PCED1B: variants seen among roughly 807,000 people sequenced by gnomAD.
PCED1B encodes PC-esterase domain-containing protein 1B.
For missense variants in PCED1B, 573 were observed against 573.9 expected (o/e 1.00, Z 0.02); for synonymous variants, 251 against 246.1 (o/e 1.02, Z -0.19).
rs370314235 is a variant in PCED1B, at chr12:47,087,225, T to A, written c.-609+7500T>A. Among the ~76,000 whole-genome samples the A allele has an allele frequency of 5.3e-5, 8 of 152,176 alleles. No individual in the cohort carries two copies. In the East Asian group the frequency reaches 1.3e-3, roughly 26 times the overall value. ...AGACCCAAGAAAGTGGTCTTGATAA[T>A]AATACCTACCACTTATTATATTCTC... is the stretch of plus-strand genomic sequence containing the variant. On this transcript the variant is annotated intron_variant, in intron 1 of 3. Transcript: ENST00000546455.
rs934374326 is a variant in PCED1B at position 47,235,303 on chromosome 12, C to A, written c.240C>A (p.Arg80=). ...MHNGLNYREV[R]EFRSDHHLVR... Reference sequence around the variant, plus strand: ...ACGGCCTTAACTACCGTGAGGTCCGCGAGTTCCGCTCCGACCACCATCTGG... The same window carrying A: ...ACGGCCTTAACTACCGTGAGGTCCGAGAGTTCCGCTCCGACCACCATCTGG... Residue 80 remains arginine (R), a synonymous_variant, in exon 4 of 4, where the codon CGC becomes CGA. Transcript: ENST00000546455. The A allele has an allele frequency of 6.2e-7, 1 of 1,613,934 alleles. No individual in the cohort carries two copies.
At chr12:47,175,139 T>C (rs1470604346) in intron 2 of PCED1B, among the ~76,000 whole-genome samples, 1 of 152,186 alleles carries the variant, frequency 6.6e-6, no homozygotes, top group Non-Finnish European at 1.5e-5. Context: ...AAAAAGTGAA[T>C]CACAAATCGT....
At chr12:47,216,008 A>T (rs1448080247) in intron 2 of PCED1B, among the ~76,000 whole-genome samples, 2 of 152,082 alleles carry the variant, frequency 1.3e-5, no homozygotes, top group Non-Finnish European at 2.9e-5. Context: ...AGCCGAGACC[A>T]TGCCACTGCA....
intron 2 of PCED1B, among the ~76,000 whole-genome samples, chr12:47,153,355 CAAAAAAAAAAAA>C (rs11299918): frequency 0.053 from 5,095 of 95,402 alleles, 130 homozygotes; most frequent in South Asian, 0.11. Flanking sequence ...GACTCCTTCT[CAAAAAAAAAAAA>C]AAAAAAAAAG....
chr12:47,119,701 G>A (rs929292828), intron 2 of PCED1B, among the ~76,000 whole-genome samples: 18 of 151,992 alleles, frequency 1.2e-4, no homozygotes, highest in Admixed American at 2.6e-4. Context: ...AGATTAGGCC[G>A]GGCGTGGTGG....
intron 2 of PCED1B, among the ~76,000 whole-genome samples, chr12:47,147,404 G>A (rs1384146043): frequency 6.6e-6 from 1 of 152,074 alleles, no homozygotes; most frequent in Non-Finnish European, 1.5e-5. Context: ...ACAAGCATGG[G>A]CTTTACTTCA....
At chr12:47,143,380 A>AAATT (rs1194918614) in intron 2 of PCED1B, among the ~76,000 whole-genome samples, 4 of 152,112 alleles carry the variant, frequency 2.6e-5, no homozygotes, top group Non-Finnish European at 5.9e-5. Context: ...ACAAGAAACA[A>AAATT]AATTAACATA....
At chr12:47,220,695 T>C (rs901957018) in intron 3 of PCED1B, among the ~76,000 whole-genome samples, 5 of 152,168 alleles carry the variant, frequency 3.3e-5, no homozygotes, top group African/African-American at 1.2e-4. Flanking sequence ...TAGAGTGGGA[T>C]AGAATGGCAC....
chr12:47,223,125 A>AGG (rs1261386504), intron 3 of PCED1B, among the ~76,000 whole-genome samples: 3 of 152,124 alleles, frequency 2.0e-5, no homozygotes, highest in Non-Finnish European at 4.4e-5. Flanking sequence ...AGAGAGAGAG[A>AGG]GAGAAAGACC....
At chr12:47,099,508 T>C (rs1938614756) in intron 1 of PCED1B, among the ~76,000 whole-genome samples, 1 of 152,220 alleles carries the variant, frequency 6.6e-6, no homozygotes, top group Non-Finnish European at 1.5e-5. Context: ...TTTGAATGAA[T>C]ACATGTTCTA....
intron 2 of PCED1B, among the ~76,000 whole-genome samples, chr12:47,104,544 G>A (rs2137233613): frequency 6.6e-6 from 1 of 152,246 alleles, no homozygotes; most frequent in Admixed American, 6.5e-5. Flanking sequence ...GTGGGTATCA[G>A]GCCACAGCCA....
Position 47,198,656 on chromosome 12 carries a change from A to T in PCED1B, c.-525-17566A>T, listed in dbSNP as rs11183790. 0.011 allele frequency among the ~76,000 whole-genome samples: 1,638 copies of T among 152,248 alleles called. 80 individuals are homozygous for T. In the East Asian group the frequency reaches 0.15, roughly 14 times the overall value. On this transcript the variant is annotated intron_variant, in intron 2 of 3. Coordinates refer to ENST00000546455, the MANE Select transcript of PCED1B (RefSeq NM_138371.3). ...AGAAATAAAACTTTGTTCACAGATG[A>T]CGTGATTATGCAGAAAATCCCAAAG...
intron 1 of PCED1B, among the ~76,000 whole-genome samples, chr12:47,102,633 G>A (rs187929078): frequency 6.6e-6 from 1 of 152,252 alleles, no homozygotes; most frequent in Admixed American, 6.5e-5. Context: ...AGCCTTCCTT[G>A]GGTTTGAGTT....
intron 2 of PCED1B, among the ~76,000 whole-genome samples, chr12:47,172,000 G>T (rs1941759131): frequency 1.3e-5 from 2 of 151,164 alleles, no homozygotes; most frequent in East Asian, 2.0e-4. Flanking sequence ...TATAAGATTT[G>T]TCTTAATCCT....
intron 1 of PCED1B, among the ~76,000 whole-genome samples, chr12:47,082,560 G>A (rs1457263744): frequency 6.6e-6 from 1 of 152,206 alleles, no homozygotes; most frequent in East Asian, 1.9e-4. Flanking sequence ...GACGGACAGA[G>A]TACTAACACA....
At chr12:47,141,227 C>T (rs1940579914) in intron 2 of PCED1B, among the ~76,000 whole-genome samples, 2 of 152,104 alleles carry the variant, frequency 1.3e-5, no homozygotes, top group African/African-American at 4.8e-5. Flanking sequence ...ATCATATTTC[C>T]CCACAGCAAC....
chr12:47,116,552 T>C (rs1024333473), intron 2 of PCED1B, among the ~76,000 whole-genome samples: 2 of 152,184 alleles, frequency 1.3e-5, no homozygotes, highest in Non-Finnish European at 2.9e-5. Context: ...CTTTGTCATA[T>C]ACATTTTGTC....
Position 47,236,183 on chromosome 12 carries a change from A to C in PCED1B, c.1120A>C (p.Met374Leu). The part of the protein sequence containing the change: ...HAGFFVEDNF[M>L]VGPQLPMPFF... ...AGGTTTCTTCGTCGAAGACAATTTT[A>C]TGGTTGGTCCTCAGCTGCCTATGCC... The change falls in exon 4 of 4, where the codon ATG (methionine) becomes CTG (leucine). Residue 374 changes from methionine (M) to leucine (L), a missense_variant. Transcript: ENST00000546455. 6.2e-7 allele frequency: 1 copy of C among 1,613,884 alleles called. No individual in the cohort carries two copies. The highest frequency in any genetic ancestry group is 8.5e-7 in the Non-Finnish European group (1 of 1,179,962).
intron 2 of PCED1B, among the ~76,000 whole-genome samples, chr12:47,128,717 G>A (rs1346125149): frequency 1.3e-5 from 2 of 152,176 alleles, no homozygotes; most frequent in Non-Finnish European, 2.9e-5. Context: ...ACTGGAAGAG[G>A]AACTGTCATG....
Sources: allele counts gnomAD v4.1 joint callset (sites outside exome capture counted in the v4.1 genomes callset), GRCh38; gene constraint gnomAD v4.1.1; transcripts MANE v1.5; gene names NCBI Gene and HGNC (gene_info 2026-07-23, HGNC 2026-07-21).